RPS6KA1: variants seen among roughly 807,000 people sequenced by gnomAD.
RPS6KA1 encodes ribosomal protein S6 kinase A1.
Under a neutral mutation model 91.3 loss-of-function variants are expected in RPS6KA1, and 48 were observed. The observed-to-expected ratio is 0.53, with a 90% CI of 0.42 to 0.67. RPS6KA1 has a LOEUF of 0.67. Among genes scored for constraint, RPS6KA1 ranks in the 30% least tolerant of loss-of-function variants. RPS6KA1 has a pLI of 0.00. For missense variants in RPS6KA1, 719 were observed against 960.5 expected (o/e 0.75, Z 3.32); for synonymous variants, 359 against 384.7 (o/e 0.93, Z 0.78).
rs2076277465 is a variant in RPS6KA1, at chr1:26,574,301, A to C, written c.*100A>C. The C allele has an allele frequency of 6.7e-7, 1 of 1,489,474 alleles. No homozygotes were observed. The highest frequency in any genetic ancestry group is 1.1e-5 in the South Asian group (1 of 88,120). 92.3% of individuals were successfully genotyped at this position (1,489,474 alleles called of 1,614,324 possible). A position where few individuals can be genotyped will look rare whatever the true frequency, so the allele number is the denominator to read the frequency against. On this transcript the variant is annotated 3_prime_UTR_variant, in exon 22 of 22. Transcript: ENST00000374168. The surrounding 1 kb of genome is among the most constrained non-coding windows in gnomAD (Gnocchi z 4.3). ...GAACCACAGGGCCAGAGGGAGCTGG[A>C]ACCCGAGGGGCCGGGGAAGCTGCCA...
chr1:26,571,002 A>AATCCCAGCT lies in RPS6KA1; in HGVS notation c.1591-445_1591-437dup, dbSNP rs1209244837. 7.4e-6 allele frequency among the ~76,000 whole-genome samples: 1 copy of AATCCCAGCT among 134,428 alleles called. No homozygotes were observed. Among genetic ancestry groups the AATCCCAGCT allele is most frequent in the African/African-American group, 2.9e-5 (1 of 34,866 alleles). The allele number at this position is 134,428 out of a possible 152,430, so 88.2% of individuals were successfully genotyped here. On this transcript the variant is annotated intron_variant, in intron 17 of 21. Coordinates refer to ENST00000374168, the MANE Select transcript of RPS6KA1 (RefSeq NM_002953.4). This position sits in a 1 kb window ranked among gnomAD's most constrained non-coding sequence, Gnocchi z 5.1. ...GCCAGCCATGGCGGCGGGTGCCTGT[A>AATCCCAGCT]ATCCCAGCTACTTGGGAGCTGAGGC...
intron 2 of RPS6KA1, among the ~76,000 whole-genome samples, chr1:26,546,360 C>CT (rs1352088623): frequency 2.0e-5 from 3 of 152,222 alleles, no homozygotes; most frequent in African/African-American, 4.8e-5. Context: ...CAGGCCAGCA[C>CT]TTACCTAGTT....
chr1:26,551,666 C>T lies in RPS6KA1; in HGVS notation c.411C>T (p.Leu137=). The change falls in exon 6 of 22, where the codon CTC becomes CTT. Residue 137 remains leucine (L), a synonymous_variant. Coordinates refer to ENST00000374168, the MANE Select transcript of RPS6KA1 (RefSeq NM_002953.4). The surrounding 1 kb of genome is among the most constrained non-coding windows in gnomAD (Gnocchi z 4.5). ...CAGCCTTCCAGACCGAGGGCAAGCT[C>T]TATCTCATTCTGGACTTCCTGCGTG... ...LHYAFQTEGK[L]YLILDFLRGG... is the part of the protein sequence containing the mutation. 1 of 1,614,218 alleles carries T rather than the reference C, an allele frequency of 6.2e-7. No individual in the cohort carries two copies. Among genetic ancestry groups the T allele is most frequent in the Non-Finnish European group, 8.5e-7 (1 of 1,180,034 alleles).
At position 26,558,822 on chromosome 1, in the gene RPS6KA1, C is replaced by G; in HGVS notation, c.1100C>G (p.Pro367Arg). The change falls in exon 14 of 22, where the codon CCC becomes CGC. Residue 367 changes from proline (P) to arginine (R), a missense_variant. Pro to Arg is a moderately radical substitution (Grantham distance 103). Coordinates refer to ENST00000374168, the MANE Select transcript of RPS6KA1 (RefSeq NM_002953.4). This position sits in a 1 kb window ranked among gnomAD's most constrained non-coding sequence, Gnocchi z 4.0. ...SRTPKDSPGIPPSAGAHQLFR... is the reference protein window; with the variant it reads ...SRTPKDSPGIRPSAGAHQLFR... ...ATCCGTACAGATTCCCCAGGCATCC[C>G]CCCCAGCGCTGGGGCCCATCAGCTG... The G allele has an allele frequency of 6.2e-7, 1 of 1,609,552 alleles. No individual in the cohort carries two copies. Among genetic ancestry groups the G allele is most frequent in the Non-Finnish European group, 8.5e-7 (1 of 1,176,376 alleles).
chr1:26,561,762 C>G lies in RPS6KA1; in HGVS notation c.1590+99C>G. 2.4e-6 allele frequency: 3 copies of G among 1,271,360 alleles called. No individual in the cohort carries two copies. The highest frequency in any genetic ancestry group is 3.3e-6 in the Non-Finnish European group (3 of 917,394). 78.8% of individuals were successfully genotyped at this position (1,271,360 alleles called of 1,614,324 possible). The stretch of plus-strand genomic sequence containing the variant: ...CTGGCCCAGGAATGGCAGCCTCCAG[C>G]TAGCCAAACTGAGGGGACACTAGGG... On this transcript the variant is annotated intron_variant, in intron 17 of 21. Transcript: ENST00000374168. The surrounding 1 kb of genome is among the most constrained non-coding windows in gnomAD (Gnocchi z 5.7).
Position 26,572,266 on chromosome 1 carries a change from T to C in RPS6KA1, c.1920T>C (p.Asn640=), listed in dbSNP as rs2076256088. The change falls in exon 20 of 22, where the codon AAT becomes AAC. Residue 640 remains asparagine, a synonymous_variant. Transcript: ENST00000374168. ...GSGKFTLSGG[N]WNTVSETAKD... ...GGAAGTTTACCCTCAGTGGGGGAAA[T>C]TGGAACACAGTTTCAGAGACAGCCA... is the stretch of plus-strand genomic sequence containing the variant. 3 of 1,613,420 alleles carry C rather than the reference T, an allele frequency of 1.9e-6. No individual in the cohort carries two copies. Among genetic ancestry groups the C allele is most frequent in the South Asian group, 2.2e-5 (2 of 91,072 alleles).
intron 1 of RPS6KA1, among the ~76,000 whole-genome samples, chr1:26,531,706 C>A (rs1025494339): frequency 6.6e-6 from 1 of 152,186 alleles, no homozygotes; most frequent in Non-Finnish European, 1.5e-5. Flanking sequence ...GCTCCAGAAA[C>A]GATGTGTGAT....
chr1:26,570,635 T>G (rs560561364), intron 17 of RPS6KA1, among the ~76,000 whole-genome samples: 2 of 152,322 alleles, frequency 1.3e-5, no homozygotes, highest in African/African-American at 4.8e-5. Context: ...CATTCATCCA[T>G]TCATTCAACA....
rs975555913 is a variant in RPS6KA1, at chr1:26,561,333, G to A, written c.1432-172G>A. Among the ~76,000 whole-genome samples the A allele has an allele frequency of 2.0e-4, 30 of 152,070 alleles. No homozygotes were observed. The highest frequency in any genetic ancestry group is 5.9e-4 in the Admixed American group (9 of 15,280). On this transcript the variant is annotated intron_variant, in intron 16 of 21. Transcript: ENST00000374168. The surrounding 1 kb of genome is among the most constrained non-coding windows in gnomAD (Gnocchi z 5.7). ...AGACATTTTCTGAGGACCTTCTTGC[G>A]TATCAGGAGACCAGTGTCAGCATCC...
At position 26,573,148 on chromosome 1, in the gene RPS6KA1, G is replaced by A. The variant is rs2076264283; in HGVS notation, c.1948-76G>A. 7.4e-6 allele frequency: 11 copies of A among 1,482,484 alleles called. No homozygotes were observed. In the Admixed American group the frequency reaches 1.6e-4, roughly 21 times the overall value. The allele number at this position is 1,482,484 out of a possible 1,614,324, so 91.8% of individuals were successfully genotyped here. On this transcript the variant is annotated intron_variant, in intron 20 of 21. Transcript: ENST00000374168. ...TTCAGGCGGGAGCTAGCAGGAGATGGTTGCCCTCCTGTGCCCCATCAGGGG... is the reference window on the plus strand; with the variant it reads ...TTCAGGCGGGAGCTAGCAGGAGATGATTGCCCTCCTGTGCCCCATCAGGGG...
chr1:26,572,212 A>G lies in RPS6KA1; in HGVS notation c.1866A>G (p.Pro622=). 2 of 1,614,074 alleles carry G rather than the reference A, an allele frequency of 1.2e-6. No individual in the cohort carries two copies. The highest frequency in any genetic ancestry group is 1.7e-6 in the Non-Finnish European group (2 of 1,180,018). The change falls in exon 20 of 22, where the codon CCA becomes CCG. Residue 622 remains proline (P), a synonymous_variant. Transcript: ENST00000374168. ...TTGCCAACGGTCCCAGTGACACACC[A>G]GAGGAAATCCTAACCCGGATCGGCA... is the stretch of plus-strand genomic sequence containing the variant. ...TPFANGPSDT[P]EEILTRIGSG... is the part of the protein sequence containing the mutation.
In RPS6KA1 at chr1:26,558,827, A is replaced by G. The variant is rs1277236569; in HGVS notation, c.1105A>G (p.Ser369Gly). The G allele has an allele frequency of 6.2e-7, 1 of 1,611,438 alleles. No homozygotes were observed. Among genetic ancestry groups the G allele is most frequent in the East Asian group, 2.2e-5 (1 of 44,776 alleles). Residue 369 changes from serine (S) to glycine (G), a missense_variant, in exon 14 of 22, where the codon AGC (serine) becomes GGC (glycine). Physicochemically the swap from Ser to Gly is moderately conservative, Grantham distance 56 (BLOSUM62 0). Transcript: ENST00000374168. This position sits in a 1 kb window ranked among gnomAD's most constrained non-coding sequence, Gnocchi z 4.0. Reference protein sequence around the residue: ...TPKDSPGIPPSAGAHQLFRGF... With the variant: ...TPKDSPGIPPGAGAHQLFRGF... The stretch of plus-strand genomic sequence containing the variant: ...TACAGATTCCCCAGGCATCCCCCCC[A>G]GCGCTGGGGCCCATCAGCTGTTCCG...
intron 2 of RPS6KA1, among the ~76,000 whole-genome samples, chr1:26,545,231 G>T (rs1444541432): frequency 7.3e-5 from 11 of 150,282 alleles, no homozygotes; most frequent in African/African-American, 2.7e-4. Flanking sequence ...GTGCAGTGGC[G>T]CTATCTCGGC....
At position 26,554,669 on chromosome 1, in the gene RPS6KA1, G is replaced by A; in HGVS notation, c.687G>A (p.Met229Ile). The change falls in exon 9 of 22, where the codon ATG becomes ATA. Residue 229 changes from methionine to isoleucine, a missense_variant. This residue lies in a region of RPS6KA1 where 159 missense variants were observed against 264.5 expected (regional missense o/e 0.60). Transcript: ENST00000374168. This position sits in a 1 kb window ranked among gnomAD's most constrained non-coding sequence, Gnocchi z 4.6. Reference sequence around the variant, plus strand: ...CTTTCTGCGGGACAGTGGAGTACATGGCCCCTGAGGTCGTCAACCGCCAGG... The same window carrying A: ...CTTTCTGCGGGACAGTGGAGTACATAGCCCCTGAGGTCGTCAACCGCCAGG... ...AYSFCGTVEY[M>I]APEVVNRQGH... 6.2e-7 allele frequency: 1 copy of A among 1,613,508 alleles called. No individual in the cohort carries two copies. The highest frequency in any genetic ancestry group is 8.5e-7 in the Non-Finnish European group (1 of 1,179,522).
intron 2 of RPS6KA1, chr1:26,545,844 T>A: frequency 6.7e-7 from 1 of 1,497,158 alleles, no homozygotes; most frequent in Non-Finnish European, 8.9e-7. Context: ...CGGCCACCAC[T>A]GCGGCAGCCC....
chr1:26,529,927 C>T lies in RPS6KA1; in HGVS notation c.7C>T (p.Leu3Phe). 1 of 1,431,402 alleles carries T rather than the reference C, an allele frequency of 7.0e-7. No individual in the cohort carries two copies. Among genetic ancestry groups the T allele is most frequent in the Non-Finnish European group, 9.1e-7 (1 of 1,093,068 alleles). 88.7% of individuals were successfully genotyped at this position (1,431,402 alleles called of 1,614,324 possible). A position where few individuals can be genotyped will look rare whatever the true frequency, so the allele number is the denominator to read the frequency against. The change falls in exon 1 of 22, where the codon CTC (leucine) becomes TTC (phenylalanine). Residue 3 changes from leucine (L) to phenylalanine (F), a missense_variant. Coordinates refer to ENST00000374168, the MANE Select transcript of RPS6KA1 (RefSeq NM_002953.4). The surrounding 1 kb of genome is among the most constrained non-coding windows in gnomAD (Gnocchi z 4.2). Reference protein sequence around the residue: MPLAQLKEPWPLM... With the variant: MPFAQLKEPWPLM... ...GTGACCTGGCGGCGGCGAGATGCCGCTCGCCCAGCTCAAGGAGCCCTGGCC... is the reference window on the plus strand; with the variant it reads ...GTGACCTGGCGGCGGCGAGATGCCGTTCGCCCAGCTCAAGGAGCCCTGGCC...
rs935876338 is a variant in RPS6KA1, at chr1:26,558,198, C to T, written c.1085-609C>T. Among the ~76,000 whole-genome samples the T allele has an allele frequency of 1.3e-5, 2 of 152,138 alleles. No individual in the cohort carries two copies. The highest frequency in any genetic ancestry group is 2.4e-5 in the African/African-American group (1 of 41,434). ...GAGTCAGGGGCCGGAGGAGCAGCAT[C>T]AGGCAAGGCTTCTCAGAGGAGGGAG... On this transcript the variant is annotated intron_variant, in intron 13 of 21. Transcript: ENST00000374168. The surrounding 1 kb of genome is among the most constrained non-coding windows in gnomAD (Gnocchi z 4.0).
rs758493321 is a variant in RPS6KA1, at chr1:26,551,459, G to A, written c.370G>A (p.Val124Met). 13 of 1,614,134 alleles carry A rather than the reference G, an allele frequency of 8.1e-6. No individual in the cohort carries two copies. The highest frequency in any genetic ancestry group is 3.3e-5 in the South Asian group (3 of 91,088). The change falls in exon 5 of 22, where the codon GTG becomes ATG. Residue 124 changes from valine to methionine, a missense_variant. By Grantham distance (21) the Val-to-Met change is conservative. This residue lies in a region of RPS6KA1 where 159 missense variants were observed against 264.5 expected (regional missense o/e 0.60). Coordinates refer to ENST00000374168, the MANE Select transcript of RPS6KA1 (RefSeq NM_002953.4). This position sits in a 1 kb window ranked among gnomAD's most constrained non-coding sequence, Gnocchi z 4.5. ...DILADVNHPF[V>M]VKLHYAFQTE... ...CCTGGCTGATGTAAATCACCCATTC[G>A]TGGTGAAGCTGCACTATGGTAAAGC...
Position 26,555,201 on chromosome 1 carries a change from G to C in RPS6KA1, c.807G>C (p.Glu269Asp), listed in dbSNP as rs1237554716. 3 of 1,614,124 alleles carry C rather than the reference G, an allele frequency of 1.9e-6. No individual in the cohort carries two copies. Among genetic ancestry groups the C allele is most frequent in the Non-Finnish European group, 2.5e-6 (3 of 1,179,994 alleles). Residue 269 changes from glutamate to aspartate, a missense_variant, in exon 10 of 22, where the codon GAG (glutamate) becomes GAC (aspartate). Coordinates refer to ENST00000374168, the MANE Select transcript of RPS6KA1 (RefSeq NM_002953.4). This position sits in a 1 kb window ranked among gnomAD's most constrained non-coding sequence, Gnocchi z 4.3. ...CCTTCCAGGGGAAGGACCGGAAGGA[G>C]ACCATGACACTGATTCTGAAGTAAG... The part of the protein sequence containing the change: ...SLPFQGKDRK[E>D]TMTLILKAKL...
Sources: allele counts gnomAD v4.1 joint callset (sites outside exome capture counted in the v4.1 genomes callset), GRCh38; gene constraint gnomAD v4.1.1; regional missense constraint gnomAD v4.1.1; non-coding constraint Gnocchi (gnomAD v3.1); transcripts MANE v1.5; gene names NCBI Gene and HGNC (gene_info 2026-07-23, HGNC 2026-07-21).